Variants in SNX1 observed in about 807,000 individuals in gnomAD.
The protein encoded by SNX1 is sorting nexin-1.
Under a neutral mutation model 71.8 loss-of-function variants are expected in SNX1, and 36 were observed. That is an observed-to-expected ratio of 0.50 (90% CI 0.38 to 0.66). SNX1 has a LOEUF of 0.66. Ranked by LOEUF, SNX1 falls within the 30% of genes least tolerant of loss-of-function variation. The pLI is 0.00. For missense variants in SNX1, 612 were observed against 646.7 expected (o/e 0.95, Z 0.58); for synonymous variants, 254 against 240.7 (o/e 1.06, Z -0.51).
chr15:64,114,931 C>T (rs191197526), intron 2 of SNX1, among the ~76,000 whole-genome samples: 9 of 152,128 alleles, frequency 5.9e-5, no homozygotes, highest in African/African-American at 2.2e-4. Context: ...TCCTTGAGCC[C>T]AGGATTTAAG....
rs1246707618 is a variant in SNX1 at position 64,096,166 on chromosome 15, G to T, written c.153G>T (p.Ala51=). ...TEGEDIFTGA[A]VVSKHQSPKI... Reference sequence around the variant, plus strand: ...GGGAGGACATTTTCACCGGCGCCGCGGTGGTCGTGAGTTTGCACCCCTCGG... The same window carrying T: ...GGGAGGACATTTTCACCGGCGCCGCTGTGGTCGTGAGTTTGCACCCCTCGG... Residue 51 remains alanine, a synonymous_variant, in exon 1 of 15, where the codon GCG becomes GCT. Coordinates refer to ENST00000559844, the MANE Select transcript of SNX1 (RefSeq NM_003099.5). The T allele has an allele frequency of 2.6e-6, 4 of 1,550,672 alleles. No homozygotes were observed. In the South Asian group the frequency reaches 3.6e-5, roughly 14 times the overall value.
chr15:64,100,604 C>CAAAA (rs34663775), intron 1 of SNX1, among the ~76,000 whole-genome samples: 42 of 102,538 alleles, frequency 4.1e-4, no homozygotes, highest in South Asian at 7.6e-4. Flanking sequence ...AACTCCATCT[C>CAAAA]AAAAAAAAAA....
At position 64,137,985 on chromosome 15, in the gene SNX1, A is replaced by G. The variant is rs752018267; in HGVS notation, c.*367A>G. ...TGATGGTGCCATGAAAAGGTTATGT[A>G]ATAAAATATTTTAAAATCAGGTCAC... On this transcript the variant is annotated 3_prime_UTR_variant, in exon 15 of 15. Transcript: ENST00000559844. 18 of 1,467,574 alleles carry G rather than the reference A, an allele frequency of 1.2e-5. No individual in the cohort carries two copies. Among genetic ancestry groups the G allele is most frequent in the African/African-American group, 2.8e-5 (2 of 70,572 alleles). 90.9% of individuals were successfully genotyped at this position (1,467,574 alleles called of 1,614,324 possible).
chr15:64,099,537 G>A (rs1011111678), intron 1 of SNX1, among the ~76,000 whole-genome samples: 1 of 152,104 alleles, frequency 6.6e-6, no homozygotes, highest in Non-Finnish European at 1.5e-5. Context: ...CTGTAGTCCC[G>A]CATACTTGTG....
chr15:64,128,291 A>G (rs1254742805), intron 8 of SNX1, among the ~76,000 whole-genome samples: 1 of 152,270 alleles, frequency 6.6e-6, no homozygotes, highest in Non-Finnish European at 1.5e-5. Context: ...AGTAAAATAT[A>G]TCAATATAAC....
chr15:64,138,231 A>G lies in SNX1; in HGVS notation c.*613A>G. The G allele has an allele frequency of 1.4e-6, 2 of 1,480,690 alleles. No individual in the cohort carries two copies. The highest frequency in any genetic ancestry group is 1.8e-6 in the Non-Finnish European group (2 of 1,125,674). 91.7% of individuals were successfully genotyped at this position (1,480,690 alleles called of 1,614,324 possible). A position where few individuals can be genotyped will look rare whatever the true frequency, so the allele number is the denominator to read the frequency against. ...ATCTGTTTCGTATTCCCACTTCTTT[A>G]GGGAAGGAGTTTTAAAAACATCTCT... On this transcript the variant is annotated 3_prime_UTR_variant, in exon 15 of 15. Coordinates refer to ENST00000559844, the MANE Select transcript of SNX1 (RefSeq NM_003099.5).
rs1202507870 is a variant in SNX1 at position 64,112,588 on chromosome 15, C to G, written c.175C>G (p.Pro59Ala). 1 of 1,608,104 alleles carries G rather than the reference C, an allele frequency of 6.2e-7. No homozygotes were observed. The highest frequency in any genetic ancestry group is 8.5e-7 in the Non-Finnish European group (1 of 1,175,854). The change falls in exon 2 of 15, where the codon CCA becomes GCA. Residue 59 changes from proline to alanine, a missense_variant. Coordinates refer to ENST00000559844, the MANE Select transcript of SNX1 (RefSeq NM_003099.5). Reference protein sequence around the residue: ...GAAVVSKHQSPKITTSLLPIN... With the variant: ...GAAVVSKHQSAKITTSLLPIN... ...TTGTTTTCAGAGTAAACATCAGTCT[C>G]CAAAGATAACTACATCCCTTCTTCC...
rs2081427146 is a variant in SNX1, at chr15:64,142,708, C to T, written c.*5090C>T. 4.4e-6 allele frequency: 2 copies of T among 455,884 alleles called. No homozygotes were observed. The highest frequency in any genetic ancestry group is 8.8e-6 in the Non-Finnish European group (2 of 226,780). 28.2% of individuals were successfully genotyped at this position (455,884 alleles called of 1,614,324 possible). A position where few individuals can be genotyped will look rare whatever the true frequency, so the allele number is the denominator to read the frequency against. ...CCTGCTTTCCCCTTGGCTAGTTCAG[C>T]GTTTGGGCTCCGGAGTGCTGAAGAT... is the stretch of plus-strand genomic sequence containing the variant. On this transcript the variant is annotated 3_prime_UTR_variant, in exon 15 of 15. Transcript: ENST00000559844.
intron 4 of SNX1, among the ~76,000 whole-genome samples, chr15:64,119,246 G>C (rs913516660): frequency 6.6e-6 from 1 of 152,026 alleles, no homozygotes. Flanking sequence ...AGCCACCCCA[G>C]CCGCCCAAGT....
At position 64,138,832 on chromosome 15, in the gene SNX1, G is replaced by C. The variant is rs1444588988; in HGVS notation, c.*1214G>C. 1 of 152,432 alleles carries C rather than the reference G, an allele frequency of 6.6e-6. No individual in the cohort carries two copies. Among genetic ancestry groups the C allele is most frequent in the Non-Finnish European group, 1.5e-5 (1 of 68,232 alleles). The allele number at this position is 152,432 out of a possible 1,614,324, so 9.4% of individuals were successfully genotyped here. A position where few individuals can be genotyped will look rare whatever the true frequency, so the allele number is the denominator to read the frequency against. ...AGCTCCTTTGTGAGCTCGAGCTGCT[G>C]ACTGCCACTATGGGAGCCTTGCCAC... On this transcript the variant is annotated 3_prime_UTR_variant, in exon 15 of 15. Transcript: ENST00000559844.
chr15:64,120,812 C>A (rs536585956), intron 4 of SNX1, among the ~76,000 whole-genome samples: 1 of 152,214 alleles, frequency 6.6e-6, no homozygotes, highest in South Asian at 2.1e-4. Flanking sequence ...CTGCACTCCA[C>A]GTTGGGTAAC....
intron 1 of SNX1, 124 bp from the exon 2 acceptor site, chr15:64,112,449 G>A (rs992590539): frequency 5.0e-6 from 3 of 600,680 alleles, no homozygotes; most frequent in African/African-American, 3.7e-5. Context: ...TACTAATAAC[G>A]ATTTGCTGCT....
At position 64,129,340 on chromosome 15, in the gene SNX1, C is replaced by T. The variant is rs1052403871; in HGVS notation, c.808-576C>T. Among the ~76,000 whole-genome samples, 18 of 152,062 alleles carry T rather than the reference C, an allele frequency of 1.2e-4. No homozygotes were observed. The highest frequency in any genetic ancestry group is 2.1e-4 in the South Asian group (1 of 4,798). On this transcript the variant is annotated intron_variant, in intron 8 of 14. Coordinates refer to ENST00000559844, the MANE Select transcript of SNX1 (RefSeq NM_003099.5). The surrounding 1 kb of genome is among the most constrained non-coding windows in gnomAD (Gnocchi z 4.4). ...GCTGTATATGCTATAGATTTTTCAGCGTCCTTTCCATGCCCTAGGAGAGTA... is the reference window on the plus strand; with the variant it reads ...GCTGTATATGCTATAGATTTTTCAGTGTCCTTTCCATGCCCTAGGAGAGTA...
At chr15:64,118,679 C>A in intron 3 of SNX1, 109 bp from the exon 4 acceptor site, 1 of 801,356 alleles carries the variant, frequency 1.2e-6, no homozygotes, top group Non-Finnish European at 2.0e-6. Flanking sequence ...AAGCTGAACA[C>A]TGAAGGATAC....
rs766254034 is a variant in SNX1, at chr15:64,126,231, G to A, written c.652+11G>A. On this transcript the variant is annotated intron_variant, in intron 6 of 14. Transcript: ENST00000559844. The stretch of plus-strand genomic sequence containing the variant: ...AGAAGAGCCTCATAGGTAAGCCTGT[G>A]GTCTTTCATTCCACTTGGATTGTTT... 6.2e-7 allele frequency: 1 copy of A among 1,609,308 alleles called. No homozygotes were observed. Among genetic ancestry groups the A allele is most frequent in the Non-Finnish European group, 8.5e-7 (1 of 1,178,720 alleles).
chr15:64,119,909 C>T (rs2081177856), intron 4 of SNX1, among the ~76,000 whole-genome samples: 1 of 152,120 alleles, frequency 6.6e-6, no homozygotes, highest in African/African-American at 2.4e-5. Context: ...CTCATTTATA[C>T]ACATACTTTT....
intron 2 of SNX1, 37 bp downstream of exon 2, chr15:64,112,721 T>C (rs1567321404): frequency 1.5e-6 from 2 of 1,337,782 alleles, no homozygotes; most frequent in East Asian, 2.3e-5. Flanking sequence ...AGGAACCTCC[T>C]AAATGGCTTT....
chr15:64,124,226 G>A (rs1286491126), intron 5 of SNX1, among the ~76,000 whole-genome samples: 3 of 143,596 alleles, frequency 2.1e-5, no homozygotes, highest in African/African-American at 8.3e-5. Context: ...TATCATGGGG[G>A]CCGGTCACGG....
At chr15:64,120,139 A>G (rs894758177) in intron 4 of SNX1, among the ~76,000 whole-genome samples, 1 of 152,208 alleles carries the variant, frequency 6.6e-6, no homozygotes, top group East Asian at 1.9e-4. Context: ...GGAAGAGGCT[A>G]TACAGAACCT....
Sources: gnomAD v4.1 joint callset for allele counts (sites outside exome capture counted in the v4.1 genomes callset) on GRCh38, gnomAD v4.1.1 for gene constraint, Gnocchi (gnomAD v3.1) non-coding constraint, MANE v1.5 for transcripts, NCBI Gene and HGNC (gene_info 2026-07-23, HGNC 2026-07-21) for gene names.